VAPB: variants seen among roughly 807,000 people sequenced by gnomAD.
VAPB encodes VAMP associated protein B and C, also known as vesicle-associated membrane protein-associated protein B/C.
In VAPB, 7 loss-of-function variants were observed where a neutral mutation model predicts 25.6. That is an observed-to-expected ratio of 0.27 (90% CI 0.16 to 0.51). The LOEUF (loss-of-function observed/expected upper bound fraction) is 0.51. Among genes scored for constraint, VAPB ranks in the 20% least tolerant of loss-of-function variants. VAPB has a pLI of 0.97. For missense variants in VAPB, 266 were observed against 301.3 expected (o/e 0.88, Z 0.87); for synonymous variants, 112 against 109.2 (o/e 1.03, Z -0.16).
Position 58,389,309 on chromosome 20 carries a change from C to CCG in VAPB, c.-150_-149insGC, listed in dbSNP as rs1555809906. ...CCTGCACCGCGTAGACCGACCCCCC[C>CCG]CCAGCGCGCCCACCCGGTAGAGGAC... On this transcript the variant is annotated 5_prime_UTR_variant, in exon 1 of 6. Coordinates refer to ENST00000475243, the MANE Select transcript of VAPB (RefSeq NM_004738.5). The CCG allele has an allele frequency of 5.6e-6, 4 of 716,114 alleles. No individual in the cohort carries two copies. The highest frequency in any genetic ancestry group is 1.5e-5 in the South Asian group (1 of 66,930). The allele number at this position is 716,114 out of a possible 1,614,324, so 44.4% of individuals were successfully genotyped here.
chr20:58,431,098 C>T (rs1254273540), intron 2 of VAPB: 7 of 152,188 alleles, frequency 4.6e-5, no homozygotes, highest in Admixed American at 3.3e-4. Context: ...GTGTTACTTT[C>T]TTCAAGGTTA....
chr20:58,393,695 A>G (rs780395604), intron 1 of VAPB, among the ~76,000 whole-genome samples: 2 of 150,872 alleles, frequency 1.3e-5, no homozygotes, highest in Non-Finnish European at 2.9e-5. Context: ...TTGAACATCC[A>G]TCCTCACTAG....
At chr20:58,401,710 C>T (rs559592973) in intron 1 of VAPB, among the ~76,000 whole-genome samples, 14 of 152,272 alleles carry the variant, frequency 9.2e-5, no homozygotes, top group East Asian at 1.9e-4. Flanking sequence ...CTCCCCTTTG[C>T]GGAACTCTTT....
At chr20:58,443,419 T>TTA (rs1555816168) in intron 5 of VAPB, among the ~76,000 whole-genome samples, 3 of 149,692 alleles carry the variant, frequency 2.0e-5, no homozygotes, top group Non-Finnish European at 1.5e-5. Context: ...TTTTTTTTTT[T>TTA]AATATGGAGT....
chr20:58,421,851 G>T (rs942253426), intron 2 of VAPB, among the ~76,000 whole-genome samples: 8 of 152,298 alleles, frequency 5.3e-5, no homozygotes, highest in African/African-American at 1.9e-4. Flanking sequence ...AAAGCCAGAT[G>T]TCTTTCAGAG....
chr20:58,441,557 G>A (rs1032627311), intron 5 of VAPB, among the ~76,000 whole-genome samples: 7 of 152,146 alleles, frequency 4.6e-5, no homozygotes, highest in Admixed American at 6.5e-5. Context: ...CAGGAGAATC[G>A]CTTGAACCCA....
intron 1 of VAPB, among the ~76,000 whole-genome samples, chr20:58,391,405 A>C (rs1162696490): frequency 6.6e-6 from 1 of 152,128 alleles, no homozygotes; most frequent in Non-Finnish European, 1.5e-5. Flanking sequence ...GTGTCATTTG[A>C]GCTCAGTTAT....
At chr20:58,417,017 G>T (rs141922760) in intron 1 of VAPB, among the ~76,000 whole-genome samples, 1 of 152,142 alleles carries the variant, frequency 6.6e-6, no homozygotes, top group South Asian at 2.1e-4. Flanking sequence ...TCAACATTAC[G>T]TATTTGTTTG....
chr20:58,437,885 G>C (rs3787147), intron 3 of VAPB, among the ~76,000 whole-genome samples: 66,331 of 151,912 alleles, frequency 0.44, 14,732 homozygotes, highest in East Asian at 0.59. Context: ...CTGTGTTACA[G>C]TAGCTGCCTC....
chr20:58,447,131 C>T lies in VAPB; in HGVS notation c.*2896C>T. The T allele has an allele frequency of 2.2e-6, 1 of 454,056 alleles. No individual in the cohort carries two copies. Among genetic ancestry groups the T allele is most frequent in the Non-Finnish European group, 4.4e-6 (1 of 226,774 alleles). 28.1% of individuals were successfully genotyped at this position (454,056 alleles called of 1,614,324 possible). On this transcript the variant is annotated 3_prime_UTR_variant, in exon 6 of 6. Coordinates refer to ENST00000475243, the MANE Select transcript of VAPB (RefSeq NM_004738.5). Reference sequence around the variant, plus strand: ...TCCACAGCACCTCAGAGAGGGCGGCCCTGGCTTCAGAAATGCCAGCCATAG... The same window carrying T: ...TCCACAGCACCTCAGAGAGGGCGGCTCTGGCTTCAGAAATGCCAGCCATAG...
intron 3 of VAPB, 92 bp from the exon 4 acceptor site, chr20:58,438,851 TAA>T: frequency 9.5e-7 from 1 of 1,052,692 alleles, no homozygotes; most frequent in East Asian, 2.5e-5. Context: ...GCTTTCTCAT[TAA>T]GAGTATTTTT....
Position 58,445,305 on chromosome 20 carries a change from C to T in VAPB, c.*1070C>T. On this transcript the variant is annotated 3_prime_UTR_variant, in exon 6 of 6. Transcript: ENST00000475243. ...CCAGCGCCCAGGTCCAAGTCTGAGC[C>T]TGACCTCCCCTTGGGGACCTAGCCT... The T allele has an allele frequency of 4.4e-6, 2 of 454,380 alleles. No individual in the cohort carries two copies. Among genetic ancestry groups the T allele is most frequent in the Non-Finnish European group, 4.4e-6 (1 of 226,720 alleles). The allele number at this position is 454,380 out of a possible 1,614,324, so 28.1% of individuals were successfully genotyped here. A position where few individuals can be genotyped will look rare whatever the true frequency, so the allele number is the denominator to read the frequency against.
At chr20:58,427,759 T>C (rs1209139827) in intron 2 of VAPB, among the ~76,000 whole-genome samples, 1 of 152,060 alleles carries the variant, frequency 6.6e-6, no homozygotes, top group African/African-American at 2.4e-5. Flanking sequence ...GTTACCATTA[T>C]GATGCAGATG....
At chr20:58,400,576 T>C (rs1463954439) in intron 1 of VAPB, among the ~76,000 whole-genome samples, 4 of 152,244 alleles carry the variant, frequency 2.6e-5, no homozygotes, top group Non-Finnish European at 5.9e-5. Flanking sequence ...TATTTATTGC[T>C]TGGCTTTCAC....
intron 3 of VAPB, among the ~76,000 whole-genome samples, chr20:58,435,702 A>C (rs1989029153): frequency 6.6e-6 from 1 of 152,220 alleles, no homozygotes. Context: ...TAGGCAGAAA[A>C]TGAAGGAGGA....
At chr20:58,397,541 A>G (rs1249099791) in intron 1 of VAPB, among the ~76,000 whole-genome samples, 3 of 150,946 alleles carry the variant, frequency 2.0e-5, no homozygotes, top group African/African-American at 7.4e-5. Flanking sequence ...AAAACAAAAC[A>G]CATTAACTTG....
Position 58,447,691 on chromosome 20 carries a change from A to G in VAPB, c.*3456A>G, listed in dbSNP as rs1989329517. 1 of 453,372 alleles carries G rather than the reference A, an allele frequency of 2.2e-6. No individual in the cohort carries two copies. Among genetic ancestry groups the G allele is most frequent in the Non-Finnish European group, 4.4e-6 (1 of 226,580 alleles). 28.1% of individuals were successfully genotyped at this position (453,372 alleles called of 1,614,324 possible). On this transcript the variant is annotated 3_prime_UTR_variant, in exon 6 of 6. Coordinates refer to ENST00000475243, the MANE Select transcript of VAPB (RefSeq NM_004738.5). Reference sequence around the variant, plus strand: ...GTGTGCATGTGTGCATGTGTGGCATATGTGCCGTATGTCAGTAGCTTGACA... The same window carrying G: ...GTGTGCATGTGTGCATGTGTGGCATGTGTGCCGTATGTCAGTAGCTTGACA...
intron 3 of VAPB, among the ~76,000 whole-genome samples, chr20:58,436,351 G>A (rs1395085963): frequency 4.8e-5 from 2 of 41,610 alleles, no homozygotes; most frequent in African/African-American, 1.8e-4. Context: ...TTTTTTTTTT[G>A]GAGACATGAT....
At chr20:58,411,769 C>T (rs755003750) in intron 1 of VAPB, among the ~76,000 whole-genome samples, 28 of 152,206 alleles carry the variant, frequency 1.8e-4, no homozygotes, top group Non-Finnish European at 2.9e-4. Context: ...AGCTCCGCCT[C>T]CCTGGTTCAG....
Sources: gnomAD v4.1 joint callset for allele counts (sites outside exome capture counted in the v4.1 genomes callset) on GRCh38, gnomAD v4.1.1 for gene constraint, MANE v1.5 for transcripts, NCBI Gene and HGNC (gene_info 2026-07-23, HGNC 2026-07-21) for gene names.